The following OR7D2 variants were observed in gnomAD, a reference collection of about 807,000 sequenced individuals.
The protein encoded by OR7D2 is olfactory receptor 7D2.
For synonymous variants in OR7D2, 158 were observed against 158.7 expected (o/e 1.00, Z 0.03); for missense variants, 370 against 384.1 (o/e 0.96, Z 0.31).
chr19:9,186,987 C>T lies in OR7D2; in HGVS notation c.*267C>T, dbSNP rs538915409. 9.4e-5 allele frequency: 24 copies of T among 254,480 alleles called. No individual in the cohort carries two copies. Among genetic ancestry groups the T allele is most frequent in the African/African-American group, 4.1e-4 (18 of 43,788 alleles). 15.8% of individuals were successfully genotyped at this position (254,480 alleles called of 1,614,324 possible). A position where few individuals can be genotyped will look rare whatever the true frequency, so the allele number is the denominator to read the frequency against. On this transcript the variant is annotated 3_prime_UTR_variant, in exon 3 of 3. Coordinates refer to ENST00000641288, the MANE Select transcript of OR7D2 (RefSeq NM_175883.4). The stretch of plus-strand genomic sequence containing the variant: ...AGGCTGGAGTGCAGTGGAGTGATCT[C>T]GGCTCACTGCAACCTCCGCCTCCCG...
chr19:9,186,547 A>G lies in OR7D2; in HGVS notation c.766A>G (p.Ile256Val), dbSNP rs756207987. 2 of 1,613,932 alleles carry G rather than the reference A, an allele frequency of 1.2e-6. No homozygotes were observed. The highest frequency in any genetic ancestry group is 4.5e-5 in the East Asian group (2 of 44,848). The change falls in exon 3 of 3, where the codon ATT (isoleucine) becomes GTT (valine). Residue 256 changes from isoleucine (I) to valine (V), a missense_variant. By Grantham distance (29) the Ile-to-Val change is conservative. Transcript: ENST00000641288. Reference protein sequence around the residue: ...SVVSLFYGTGIGVHFTSAVTH... With the variant: ...SVVSLFYGTGVGVHFTSAVTH... ...CGTTTCTTTATTTTATGGGACAGGC[A>G]TTGGGGTCCACTTCACTTCTGCGGT... is the stretch of plus-strand genomic sequence containing the variant.
In OR7D2 at chr19:9,185,775, C is replaced by T; in HGVS notation, c.-7C>T. On this transcript the variant is annotated 5_prime_UTR_variant, in exon 3 of 3. Transcript: ENST00000641288. ...ATGACCTCTTCTTTTGTAGATACAT[C>T]AGCTACATGGAAGCAGGAAACCAAA... The T allele has an allele frequency of 6.4e-7, 1 of 1,556,526 alleles. No individual in the cohort carries two copies. The highest frequency in any genetic ancestry group is 8.7e-7 in the Non-Finnish European group (1 of 1,148,670).
At chr19:9,182,444 G>T (rs551362415) in intron 2 of OR7D2, 492 of 326,544 alleles carry the variant, frequency 1.5e-3, no homozygotes, top group Non-Finnish European at 2.2e-3. Flanking sequence ...GAATCTCGGT[G>T]GAGCTGTTAG....
intron 2 of OR7D2, among the ~76,000 whole-genome samples, chr19:9,184,789 G>A (rs2051018361): frequency 6.6e-6 from 1 of 151,882 alleles, no homozygotes; most frequent in South Asian, 2.1e-4. Flanking sequence ...ATATGTATGT[G>A]TATGTGTGTG....
Position 9,187,446 on chromosome 19 carries a change from G to C in OR7D2, c.*726G>C, listed in dbSNP as rs1408000765. ...GTAGTACTCCATTGTATATATCCTCGATATCTATATAGATATAGACATATG... is the reference window on the plus strand; with the variant it reads ...GTAGTACTCCATTGTATATATCCTCCATATCTATATAGATATAGACATATG... On this transcript the variant is annotated 3_prime_UTR_variant, in exon 3 of 3. Coordinates refer to ENST00000641288, the MANE Select transcript of OR7D2 (RefSeq NM_175883.4). 1 of 165,228 alleles carries C rather than the reference G, an allele frequency of 6.1e-6. No homozygotes were observed. Among genetic ancestry groups the C allele is most frequent in the Non-Finnish European group, 1.5e-5 (1 of 68,024 alleles). The allele number at this position is 165,228 out of a possible 1,614,324, so 10.2% of individuals were successfully genotyped here.
At chr19:9,179,228 C>G (rs1011824049) in intron 1 of OR7D2, 105 bp downstream of exon 1, 34 of 152,072 alleles carry the variant, frequency 2.2e-4, no homozygotes, top group African/African-American at 8.2e-4. Flanking sequence ...TTGATAATGT[C>G]TCATGATTTT....
chr19:9,186,921 C>CTT lies in OR7D2; in HGVS notation c.*208_*209dup, dbSNP rs772315130. The CTT allele has an allele frequency of 2.5e-3, 989 of 391,860 alleles. No homozygotes were observed. The highest frequency in any genetic ancestry group is 0.011 in the East Asian group (238 of 21,978). The allele number at this position is 391,860 out of a possible 1,614,324, so 24.3% of individuals were successfully genotyped here. On this transcript the variant is annotated 3_prime_UTR_variant, in exon 3 of 3. Transcript: ENST00000641288. ...TTACCTGAATAGTGAACATAAGGCACTTTTTTTTCTTTTTTGAGACGGAGT... is the reference window on the plus strand; with the variant it reads ...TTACCTGAATAGTGAACATAAGGCACTTTTTTTTTTCTTTTTTGAGACGGAGT...
At chr19:9,182,668 C>T (rs2050999398) in intron 2 of OR7D2, among the ~76,000 whole-genome samples, 2 of 151,924 alleles carry the variant, frequency 1.3e-5, no homozygotes, top group Admixed American at 6.6e-5. Flanking sequence ...TATAGGCGCC[C>T]GCCACCACGC....
Position 9,186,834 on chromosome 19 carries a change from C to A in OR7D2, c.*114C>A. 1 of 741,650 alleles carries A rather than the reference C, an allele frequency of 1.3e-6. No individual in the cohort carries two copies. The allele number at this position is 741,650 out of a possible 1,614,324, so 45.9% of individuals were successfully genotyped here. A position where few individuals can be genotyped will look rare whatever the true frequency, so the allele number is the denominator to read the frequency against. ...AACATTTTTTTATACTTTGAGAGTA[C>A]AAATGCAGATTTCTTAACATGCATT... On this transcript the variant is annotated 3_prime_UTR_variant, in exon 3 of 3. Transcript: ENST00000641288.
intron 1 of OR7D2, among the ~76,000 whole-genome samples, chr19:9,179,627 C>G (rs2050976747): frequency 6.6e-6 from 1 of 152,160 alleles, no homozygotes; most frequent in Non-Finnish European, 1.5e-5. Context: ...GTGACTTTCT[C>G]AATGTCAGTA....
chr19:9,187,362 G>T lies in OR7D2; in HGVS notation c.*642G>T, dbSNP rs2051045167. The T allele has an allele frequency of 4.8e-5, 8 of 166,664 alleles. No individual in the cohort carries two copies. The allele number at this position is 166,664 out of a possible 1,614,324, so 10.3% of individuals were successfully genotyped here. On this transcript the variant is annotated 3_prime_UTR_variant, in exon 3 of 3. Transcript: ENST00000641288. ...CTTTACTACCTTACTTAAGAGAATGGCTTCCAGTCCCATCGATGTTGCTGC... is the reference window on the plus strand; with the variant it reads ...CTTTACTACCTTACTTAAGAGAATGTCTTCCAGTCCCATCGATGTTGCTGC...
chr19:9,186,120 A>G lies in OR7D2; in HGVS notation c.339A>G (p.Leu113=), dbSNP rs746912375. ...TGTTTTTTCCTATTCTGGACACGCT[A>G]CTCCTGACCGTGATGGCCTATGACC... is the stretch of plus-strand genomic sequence containing the variant. ...FSMFFPILDT[L]LLTVMAYDRF... is the part of the protein sequence containing the mutation. Residue 113 remains leucine (L), a synonymous_variant, in exon 3 of 3, where the codon CTA becomes CTG. Transcript: ENST00000641288. The G allele has an allele frequency of 6.2e-7, 1 of 1,612,982 alleles. No homozygotes were observed. The highest frequency in any genetic ancestry group is 1.1e-5 in the South Asian group (1 of 91,016).
Position 9,187,621 on chromosome 19 carries a change from C to T in OR7D2, c.*901C>T, listed in dbSNP as rs1456186300. On this transcript the variant is annotated 3_prime_UTR_variant, in exon 3 of 3. Transcript: ENST00000641288. ...CCCGTCACCCAAGTGGTAGTAGTCT[C>T]TTATTCCTCACCCCCCTCCCAACCT... The T allele has an allele frequency of 6.0e-6, 1 of 166,922 alleles. No homozygotes were observed. The highest frequency in any genetic ancestry group is 1.5e-5 in the Non-Finnish European group (1 of 68,102). 10.3% of individuals were successfully genotyped at this position (166,922 alleles called of 1,614,324 possible).
rs540868245 is a variant in OR7D2, at chr19:9,187,854, A to C, written c.*1134A>C. Reference sequence around the variant, plus strand: ...CCAGTTCCATCCAAGTTGCTACAAAAGACATTATTTGGTTCCTTTTTATGG... The same window carrying C: ...CCAGTTCCATCCAAGTTGCTACAAACGACATTATTTGGTTCCTTTTTATGG... On this transcript the variant is annotated 3_prime_UTR_variant, in exon 3 of 3. Coordinates refer to ENST00000641288, the MANE Select transcript of OR7D2 (RefSeq NM_175883.4). 4.9e-5 allele frequency: 8 copies of C among 164,272 alleles called. No individual in the cohort carries two copies. The Admixed American group carries it at 5.2e-4, about 11-fold the overall frequency. The allele number at this position is 164,272 out of a possible 1,614,324, so 10.2% of individuals were successfully genotyped here. A position where few individuals can be genotyped will look rare whatever the true frequency, so the allele number is the denominator to read the frequency against.
intron 2 of OR7D2, chr19:9,182,511 T>G (rs2050997273): frequency 9.8e-6 from 2 of 203,656 alleles, no homozygotes; most frequent in Non-Finnish European, 2.1e-5. Context: ...TTTATTTATT[T>G]ATTATCATTA....
chr19:9,182,972 C>A, intron 2 of OR7D2: 1 of 452,694 alleles, frequency 2.2e-6, no homozygotes, highest in Non-Finnish European at 4.4e-6. Flanking sequence ...AAATTCATGG[C>A]CATCAGATAA....
chr19:9,181,350 T>C (rs968114050), intron 2 of OR7D2, among the ~76,000 whole-genome samples: 1 of 151,072 alleles, frequency 6.6e-6, no homozygotes. Flanking sequence ...ATTATCCCAA[T>C]AATGTCATCT....
chr19:9,184,884 A>G (rs1465341700), intron 2 of OR7D2, among the ~76,000 whole-genome samples: 2 of 152,190 alleles, frequency 1.3e-5, no homozygotes, highest in South Asian at 2.1e-4. Context: ...TTGCCACAAC[A>G]TGGATGAATC....
rs1241126366 is a variant in OR7D2 at position 9,186,176 on chromosome 19, A to G, written c.395A>G (p.Tyr132Cys). ...RFVAVCHPLH[Y>C]MIIMNPHLCG... ...GTGGCTGTCTGCCACCCTCTGCACT[A>G]TATGATCATCATGAACCCCCACCTC... is the stretch of plus-strand genomic sequence containing the variant. Residue 132 changes from tyrosine to cysteine, a missense_variant, in exon 3 of 3, where the codon TAT (tyrosine) becomes TGT (cysteine). Transcript: ENST00000641288. 1 of 1,614,002 alleles carries G rather than the reference A, an allele frequency of 6.2e-7. No homozygotes were observed. The highest frequency in any genetic ancestry group is 1.1e-5 in the South Asian group (1 of 91,068).
Sources: allele counts gnomAD v4.1 joint callset (sites outside exome capture counted in the v4.1 genomes callset), GRCh38; gene constraint gnomAD v4.1.1; transcripts MANE v1.5; gene names NCBI Gene and HGNC (gene_info 2026-07-23, HGNC 2026-07-21).